HERC2: variants seen among roughly 807,000 people sequenced by gnomAD.
HERC2 encodes the protein HECT and RLD domain containing E3 ubiquitin protein ligase 2, also known as E3 ubiquitin-protein ligase HERC2.
In HERC2, 102 loss-of-function variants were observed where a neutral mutation model predicts 537.7. The observed-to-expected ratio is 0.19, with a 90% CI of 0.16 to 0.22. The LOEUF (loss-of-function observed/expected upper bound fraction) is 0.22. Ranked by LOEUF, HERC2 falls within the 10% of genes least tolerant of loss-of-function variation. HERC2 has a pLI of 1.00. For synonymous variants in HERC2, 2,224 were observed against 2,466.2 expected, an observed-to-expected ratio of 0.90 and a Z score of 2.91; for missense variants, 4,236 against 6,198.2, an observed-to-expected ratio of 0.68 and a Z score of 10.63.
chr15:28,319,449 G>T (rs2077175255), intron 2 of HERC2, among the ~76,000 whole-genome samples: 2 of 151,590 alleles, frequency 1.3e-5, no homozygotes, highest in South Asian at 4.2e-4. Context: ...GGCATGCATG[G>T]TGGCACACAC....
At chr15:28,217,780 C>G (rs1420561447) in intron 38 of HERC2, among the ~76,000 whole-genome samples, 1 of 152,146 alleles carries the variant, frequency 6.6e-6, no homozygotes, top group African/African-American at 2.4e-5. Flanking sequence ...ATGCAGAACA[C>G]AGGGGCAGGG....
chr15:28,288,015 C>A (rs2076207374), intron 4 of HERC2, among the ~76,000 whole-genome samples: 1 of 152,116 alleles, frequency 6.6e-6, no homozygotes, highest in South Asian at 2.1e-4. Flanking sequence ...AGCCACTGCT[C>A]CCAGCCACTT....
chr15:28,210,246 G>T (rs766527757), intron 44 of HERC2, among the ~76,000 whole-genome samples: 1 of 152,054 alleles, frequency 6.6e-6, no homozygotes, highest in Non-Finnish European at 1.5e-5. Context: ...CCATTCTCCT[G>T]CGTCAGCCTC....
intron 86 of HERC2, among the ~76,000 whole-genome samples, chr15:28,120,007 T>C (rs746247874): frequency 6.6e-6 from 1 of 152,148 alleles, no homozygotes; most frequent in Non-Finnish European, 1.5e-5. Flanking sequence ...CCAAAAAGTC[T>C]GCGTGCGGTT....
At position 28,185,778 on chromosome 15, in the gene HERC2, A is replaced by G. The variant is rs143372480; in HGVS notation, c.8825+799T>C. Among the ~76,000 whole-genome samples, 120 of 152,286 alleles carry G rather than the reference A, an allele frequency of 7.9e-4. 1 individual carries two copies. Among genetic ancestry groups the G allele is most frequent in the Admixed American group, 2.8e-3 (43 of 15,290 alleles). ...CTTGTCCTGACAGATCAATGCTCCAATGCAGACTCTCAAGGCTGTATGCAC... is the reference window on the plus strand; with the variant it reads ...CTTGTCCTGACAGATCAATGCTCCAGTGCAGACTCTCAAGGCTGTATGCAC... On this transcript the variant is annotated intron_variant, in intron 56 of 92. Coordinates refer to ENST00000261609, the MANE Select transcript of HERC2 (RefSeq NM_004667.6).
At chr15:28,155,338 C>T (rs1280466590) in intron 69 of HERC2, among the ~76,000 whole-genome samples, 3 of 152,124 alleles carry the variant, frequency 2.0e-5, no homozygotes, top group South Asian at 2.1e-4. Context: ...GAGGAATCGC[C>T]ACACTGTGTT....
chr15:28,264,539 G>GA (rs541687216), intron 14 of HERC2, among the ~76,000 whole-genome samples: 2 of 152,134 alleles, frequency 1.3e-5, no homozygotes, highest in Non-Finnish European at 2.9e-5. Context: ...AGTCGCCTCA[G>GA]AAAATATATA....
rs1403172662 is a variant in HERC2, at chr15:28,229,551, T to G, written c.5029A>C (p.Lys1677Gln). The G allele has an allele frequency of 1.6e-5, 26 of 1,613,532 alleles. No individual in the cohort carries two copies. The highest frequency in any genetic ancestry group is 2.0e-5 in the Non-Finnish European group (24 of 1,179,850). The change falls in exon 33 of 93, where the codon AAA (lysine) becomes CAA (glutamine). Residue 1677 changes from lysine (K) to glutamine (Q), a missense_variant. By Grantham distance (53) the Lys-to-Gln change is moderately conservative (BLOSUM62 1). Coordinates refer to ENST00000261609, the MANE Select transcript of HERC2 (RefSeq NM_004667.6). ...VRLEGIDTIL[K>Q]LASKNFLLPS... is the part of the protein sequence containing the mutation. The stretch of plus-strand genomic sequence containing the variant: ...AGTAAGAAATTCTTGCTCGCCAGTT[T>G]TAAAATTGTATCTATCCCTTCCAGG...
intron 48 of HERC2, among the ~76,000 whole-genome samples, chr15:28,200,059 C>T (rs1452143437): frequency 6.6e-6 from 1 of 152,046 alleles, no homozygotes; most frequent in African/African-American, 2.4e-5. Flanking sequence ...AAAATCAGGT[C>T]ATAAGAGTGG....
rs376020684 is a variant in HERC2 at position 28,141,612 on chromosome 15, A to G, written c.11835T>C (p.Thr3945=). 6.2e-7 allele frequency: 1 copy of G among 1,614,180 alleles called. No homozygotes were observed. The highest frequency in any genetic ancestry group is 8.5e-7 in the Non-Finnish European group (1 of 1,180,038). Residue 3945 remains threonine (T), a synonymous_variant, in exon 78 of 93, where the codon ACT becomes ACC. Coordinates refer to ENST00000261609, the MANE Select transcript of HERC2 (RefSeq NM_004667.6). ...QWMNRRPDDW[T]LSAGGSGTIY... ...TTGTTCCACTGCCACCAGCAGAGAG[A>G]GTCCAGTCATCTGGTCGCCTACAAT...
rs1400629726 is a variant in HERC2, at chr15:28,238,919, AC to A, written c.3578-148del. On this transcript the variant is annotated intron_variant, in intron 23 of 92. Transcript: ENST00000261609. ...CATACCTAGCTCTGAAACTAATACC[AC>A]ACATACAAATTCTGTTAAATATAGA... 3.8e-5 allele frequency: 27 copies of A among 710,728 alleles called. No individual in the cohort carries two copies. The Admixed American group carries it at 5.8e-4, about 15-fold the overall frequency. 44.0% of individuals were successfully genotyped at this position (710,728 alleles called of 1,614,324 possible).
rs751888252 is a variant in HERC2, at chr15:28,256,098, G to C, written c.2737C>G (p.Pro913Ala). The C allele has an allele frequency of 6.2e-7, 1 of 1,603,446 alleles. No homozygotes were observed. The highest frequency in any genetic ancestry group is 8.5e-7 in the Non-Finnish European group (1 of 1,179,266). Reference sequence around the variant, plus strand: ...CCTTCCCCAGGCCCACCTGCGCAGGGCAGGAGAGCAGAGAGTGCCCGGGCC... The same window carrying C: ...CCTTCCCCAGGCCCACCTGCGCAGGCCAGGAGAGCAGAGAGTGCCCGGGCC... ...ERARALSALLPCAVSGNEVNI... is the reference protein window; with the variant it reads ...ERARALSALLACAVSGNEVNI... The change falls in exon 18 of 93, where the codon CCC (proline) becomes GCC (alanine). Residue 913 changes from proline (P) to alanine (A), a missense_variant. Pro to Ala is a conservative substitution (Grantham distance 27). Coordinates refer to ENST00000261609, the MANE Select transcript of HERC2 (RefSeq NM_004667.6).
At chr15:28,170,630 G>C (rs1238918868) in intron 65 of HERC2, among the ~76,000 whole-genome samples, 1 of 152,110 alleles carries the variant, frequency 6.6e-6, no homozygotes, top group Non-Finnish European at 1.5e-5. Context: ...GACACCAAAA[G>C]TATGATCTAT....
intron 35 of HERC2, among the ~76,000 whole-genome samples, chr15:28,223,425 C>A (rs1047720985): frequency 1.1e-4 from 17 of 152,046 alleles, no homozygotes; most frequent in Admixed American, 3.9e-4. Flanking sequence ...AAGAGAGCAA[C>A]AAAGGATATT....
intron 44 of HERC2, among the ~76,000 whole-genome samples, chr15:28,209,167 C>T (rs1195134178): frequency 6.6e-6 from 1 of 152,110 alleles, no homozygotes; most frequent in Admixed American, 6.5e-5. Flanking sequence ...GTTTACTTAT[C>T]ATTTTCATAT....
chr15:28,314,806 A>G (rs1202295946), intron 2 of HERC2, among the ~76,000 whole-genome samples: 3 of 151,876 alleles, frequency 2.0e-5, no homozygotes, highest in Non-Finnish European at 1.5e-5. Context: ...GGTTGCAGTG[A>G]GCCAAGATCG....
At chr15:28,217,851 G>A (rs1035406733) in intron 38 of HERC2, among the ~76,000 whole-genome samples, 10 of 152,014 alleles carry the variant, frequency 6.6e-5, no homozygotes, top group African/African-American at 2.4e-4. Flanking sequence ...GAAGCCTGGA[G>A]CTCCCAGAAG....
At chr15:28,291,789 C>T (rs1474703044) in intron 4 of HERC2, among the ~76,000 whole-genome samples, 1 of 151,696 alleles carries the variant, frequency 6.6e-6, no homozygotes, top group Non-Finnish European at 1.5e-5. Context: ...CCTGTAGTCC[C>T]AGCTACTCGG....
In HERC2 at chr15:28,321,416, G is replaced by T. The variant is rs200084694; in HGVS notation, c.18C>A (p.Phe6Leu). The T allele has an allele frequency of 1.3e-5, 13 of 978,696 alleles. No homozygotes were observed. Among genetic ancestry groups the T allele is most frequent in the Admixed American group, 1.2e-4 (7 of 56,042 alleles). The allele number at this position is 978,696 out of a possible 1,614,324, so 60.6% of individuals were successfully genotyped here. ...CGAGGCGAGCCTGGGCAGCCAAACA[G>T]AAAGATTCAGAGGGCATCTTTTCTC... is the stretch of plus-strand genomic sequence containing the variant. MPSES[F>L]CLAAQARLDS... Residue 6 changes from phenylalanine (F) to leucine (L), a missense_variant, in exon 2 of 93, where the codon TTC (phenylalanine) becomes TTA (leucine). This residue lies in a region of HERC2 where 13 missense variants were observed against 43.1 expected (regional missense o/e 0.30). Coordinates refer to ENST00000261609, the MANE Select transcript of HERC2 (RefSeq NM_004667.6).
Sources: gnomAD v4.1 joint callset for allele counts (sites outside exome capture counted in the v4.1 genomes callset) on GRCh38, gnomAD v4.1.1 for gene constraint, gnomAD v4.1.1 regional missense constraint, MANE v1.5 for transcripts, NCBI Gene and HGNC (gene_info 2026-07-23, HGNC 2026-07-21) for gene names.